The following ARHGAP42 variants were observed in gnomAD, a reference collection of about 807,000 sequenced individuals.
The protein encoded by ARHGAP42 is Rho GTPase activating protein 42, also known as rho GTPase-activating protein 42.
In ARHGAP42, 63 loss-of-function variants were observed where a neutral mutation model predicts 125.0. The observed-to-expected ratio is 0.50, with a 90% CI of 0.41 to 0.62. The LOEUF (loss-of-function observed/expected upper bound fraction) is 0.62. Ranked by LOEUF, ARHGAP42 falls within the 20% of genes least tolerant of loss-of-function variation. The pLI is 0.00. For missense variants in ARHGAP42, 766 were observed against 1,024.2 expected (o/e 0.75, Z 3.44); for synonymous variants, 339 against 351.0 (o/e 0.97, Z 0.38).
At chr11:100,749,885 C>T (rs1862404812) in intron 1 of ARHGAP42, among the ~76,000 whole-genome samples, 1 of 152,180 alleles carries the variant, frequency 6.6e-6, no homozygotes, top group Non-Finnish European at 1.5e-5. Flanking sequence ...GCAGCTTCTC[C>T]TTATTTGGTC....
At chr11:100,718,865 C>T (rs920548726) in intron 1 of ARHGAP42, among the ~76,000 whole-genome samples, 17 of 152,126 alleles carry the variant, frequency 1.1e-4, no homozygotes, top group Admixed American at 3.3e-4. Context: ...CTTTATTTAA[C>T]GTGACTTATT....
At chr11:100,873,249 TA>T (rs1409557443) in intron 4 of ARHGAP42, among the ~76,000 whole-genome samples, 1 of 152,238 alleles carries the variant, frequency 6.6e-6, no homozygotes, top group Non-Finnish European at 1.5e-5. Context: ...CTGCTACATT[TA>T]GCCTTTTTTT....
chr11:100,787,761 C>CA (rs1280458652), intron 2 of ARHGAP42, among the ~76,000 whole-genome samples: 3 of 152,112 alleles, frequency 2.0e-5, no homozygotes, highest in Non-Finnish European at 4.4e-5. Flanking sequence ...TGGGTCATAA[C>CA]CCCTGCCAAG....
In ARHGAP42 at chr11:100,992,954, G is replaced by C. The variant is rs1858880082; in HGVS notation, c.*4153G>C. On this transcript the variant is annotated 3_prime_UTR_variant, in exon 24 of 24. Coordinates refer to ENST00000298815, the MANE Select transcript of ARHGAP42 (RefSeq NM_152432.4). The stretch of plus-strand genomic sequence containing the variant: ...AAGTTCAGTGTGGATTTTTCTTGGT[G>C]CTCTATGGAGAAATGGAGTCTGTGT... 6 of 427,100 alleles carry C rather than the reference G, an allele frequency of 1.4e-5. No homozygotes were observed. The East Asian group carries it at 2.4e-4, about 17-fold the overall frequency. 26.5% of individuals were successfully genotyped at this position (427,100 alleles called of 1,614,324 possible). A position where few individuals can be genotyped will look rare whatever the true frequency, so the allele number is the denominator to read the frequency against.
At chr11:100,755,211 T>C (rs1028268634) in intron 1 of ARHGAP42, among the ~76,000 whole-genome samples, 1 of 152,204 alleles carries the variant, frequency 6.6e-6, no homozygotes, top group Non-Finnish European at 1.5e-5. Context: ...ATGTGGAGGC[T>C]GAAGACAATG....
intron 12 of ARHGAP42, among the ~76,000 whole-genome samples, chr11:100,950,793 A>T (rs1292566288): frequency 6.6e-6 from 1 of 152,156 alleles, no homozygotes; most frequent in Non-Finnish European, 1.5e-5. Context: ...TCCAAGTTTT[A>T]TGTAATGCAA....
chr11:100,788,028 T>G (rs975824929), intron 2 of ARHGAP42, among the ~76,000 whole-genome samples: 1 of 152,224 alleles, frequency 6.6e-6, no homozygotes, highest in Admixed American at 6.5e-5. Flanking sequence ...TCTAGTTTTA[T>G]TATCATTTTC....
intron 1 of ARHGAP42, among the ~76,000 whole-genome samples, chr11:100,732,205 C>T (rs1861971515): frequency 6.6e-6 from 1 of 152,156 alleles, no homozygotes. Context: ...GATCCTCCCG[C>T]ATCAGCCTCC....
At chr11:100,963,085 C>T (rs1344048557) in intron 16 of ARHGAP42, among the ~76,000 whole-genome samples, 1 of 152,128 alleles carries the variant, frequency 6.6e-6, no homozygotes, top group Non-Finnish European at 1.5e-5. Context: ...CTTTTAAGAG[C>T]AACTAAGCAG....
In ARHGAP42 at chr11:100,737,225, T is replaced by C. The variant is rs190052504; in HGVS notation, c.155-33118T>C. Among the ~76,000 whole-genome samples the C allele has an allele frequency of 8.5e-5, 13 of 152,344 alleles. No individual in the cohort carries two copies. In the East Asian group the frequency reaches 2.5e-3, roughly 29 times the overall value. ...TAAGGAATTACTATTAATTTTGTTA[T>C]AAATGATAATAACCTTATGGTTATA... On this transcript the variant is annotated intron_variant, in intron 1 of 23. Transcript: ENST00000298815.
At chr11:100,784,517 A>G (rs943330518) in intron 2 of ARHGAP42, among the ~76,000 whole-genome samples, 1 of 152,200 alleles carries the variant, frequency 6.6e-6, no homozygotes, top group Admixed American at 6.5e-5. Flanking sequence ...GTGATTGGAT[A>G]TATGGAAGGA....
chr11:100,756,447 C>A (rs1337723128), intron 1 of ARHGAP42, among the ~76,000 whole-genome samples: 1 of 151,998 alleles, frequency 6.6e-6, no homozygotes, highest in Admixed American at 6.6e-5. Flanking sequence ...AATATATGAA[C>A]TGTAGTAAAT....
At chr11:100,806,381 G>A (rs1222506016) in intron 3 of ARHGAP42, among the ~76,000 whole-genome samples, 2 of 152,144 alleles carry the variant, frequency 1.3e-5, no homozygotes, top group Admixed American at 1.3e-4. Context: ...TTAAGTTTCT[G>A]GCTTTGGTGC....
rs1858883364 is a variant in ARHGAP42 at position 100,993,073 on chromosome 11, T to C, written c.*4272T>C. ...TCAAGATGCCTGTGTACACGGCTAT[T>C]TGGGAAACTTAAGTGTTGGAGGAGG... is the stretch of plus-strand genomic sequence containing the variant. On this transcript the variant is annotated 3_prime_UTR_variant, in exon 24 of 24. Transcript: ENST00000298815. 5.4e-6 allele frequency: 1 copy of C among 186,358 alleles called. No homozygotes were observed. The highest frequency in any genetic ancestry group is 2.4e-5 in the African/African-American group (1 of 41,944). 11.5% of individuals were successfully genotyped at this position (186,358 alleles called of 1,614,324 possible).
chr11:100,834,610 G>C (rs1487103236), intron 3 of ARHGAP42, among the ~76,000 whole-genome samples: 1 of 152,106 alleles, frequency 6.6e-6, no homozygotes, highest in Non-Finnish European at 1.5e-5. Context: ...GTAATAGTGG[G>C]CATCAGAAGT....
chr11:100,830,677 G>C (rs1025170868), intron 3 of ARHGAP42, among the ~76,000 whole-genome samples: 6 of 152,154 alleles, frequency 3.9e-5, no homozygotes, highest in Non-Finnish European at 8.8e-5. Context: ...TGCTGGGGTA[G>C]GATTTCAGCT....
chr11:100,819,420 G>A (rs1452414965), intron 3 of ARHGAP42, among the ~76,000 whole-genome samples: 1 of 152,136 alleles, frequency 6.6e-6, no homozygotes, highest in Non-Finnish European at 1.5e-5. Context: ...GAGGAGATGG[G>A]AGAGGAGGAT....
chr11:100,981,658 G>A (rs1384505878), intron 22 of ARHGAP42, among the ~76,000 whole-genome samples: 1 of 152,190 alleles, frequency 6.6e-6, no homozygotes, highest in Non-Finnish European at 1.5e-5. Flanking sequence ...CACCAGAACA[G>A]ATCATTTTCC....
At chr11:100,735,704 GT>G (rs1474002712) in intron 1 of ARHGAP42, among the ~76,000 whole-genome samples, 1 of 150,850 alleles carries the variant, frequency 6.6e-6, no homozygotes, top group African/African-American at 2.4e-5. Context: ...AGCCTCCTGG[GT>G]TCAAGCGAGT....
Sources: gnomAD v4.1 joint callset for allele counts (sites outside exome capture counted in the v4.1 genomes callset) on GRCh38, gnomAD v4.1.1 for gene constraint, MANE v1.5 for transcripts, NCBI Gene and HGNC (gene_info 2026-07-23, HGNC 2026-07-21) for gene names.